Variants in ZNF420 observed in about 807,000 individuals in gnomAD.
ZNF420 encodes the protein ATM and p53-associated KZNF protein.
ZNF420 carries 31 observed loss-of-function variants against 44.7 expected under a neutral mutation model. The observed-to-expected ratio is 0.69, with a 90% CI of 0.52 to 0.94. The LOEUF (loss-of-function observed/expected upper bound fraction) is 0.94, where lower values mean the gene tolerates loss of function less well. Among genes scored for constraint, ZNF420 ranks in the 40% least tolerant of loss-of-function variants. ZNF420 has a pLI of 0.00. For synonymous variants in ZNF420, 245 were observed against 267.4 expected, an observed-to-expected ratio of 0.92 and a Z score of 0.82; for missense variants, 681 against 827.9, an observed-to-expected ratio of 0.82 and a Z score of 2.18.
intron 4 of ZNF420, among the ~76,000 whole-genome samples, chr19:37,118,922 A>T (rs1352557553): frequency 1.3e-5 from 2 of 152,252 alleles, no homozygotes; most frequent in Admixed American, 6.5e-5. Flanking sequence ...AGAGCTAACT[A>T]TCCTAAATAT....
intron 1 of ZNF420, among the ~76,000 whole-genome samples, chr19:37,014,028 AC>A (rs2074591481): frequency 6.6e-6 from 1 of 152,166 alleles, no homozygotes; most frequent in African/African-American, 2.4e-5. Flanking sequence ...AGCAAATCAC[AC>A]CTGGGAACCA....
rs1289719585 is a variant in ZNF420, at chr19:37,092,246, A to G, written c.136+1125A>G. 4 of 152,152 alleles carry G rather than the reference A, an allele frequency of 2.6e-5. No individual in the cohort carries two copies. In the South Asian group the frequency reaches 6.2e-4, roughly 24 times the overall value. 9.4% of individuals were successfully genotyped at this position (152,152 alleles called of 1,614,324 possible). A position where few individuals can be genotyped will look rare whatever the true frequency, so the allele number is the denominator to read the frequency against. ...ACCCAAGTGGTGTGGAAAAAAACCT[A>G]TGACTTGAGGAGAAAAGCAAGGGTT... On this transcript the variant is annotated intron_variant, in intron 4 of 4. Coordinates refer to ENST00000337995, the MANE Select transcript of ZNF420 (RefSeq NM_144689.5).
At chr19:37,035,063 C>T (rs1481777329) in intron 1 of ZNF420, among the ~76,000 whole-genome samples, 4 of 152,176 alleles carry the variant, frequency 2.6e-5, no homozygotes, top group African/African-American at 9.7e-5. Flanking sequence ...GCGATAGTTC[C>T]CATGGCTGGG....
intron 1 of ZNF420, among the ~76,000 whole-genome samples, chr19:37,063,230 A>ATTAATTTCT (rs1317797865): frequency 6.6e-6 from 1 of 152,180 alleles, no homozygotes; most frequent in Non-Finnish European, 1.5e-5. Context: ...ATTAAAAGAA[A>ATTAATTTCT]TTAAAGAGTG....
intron 1 of ZNF420, among the ~76,000 whole-genome samples, chr19:37,009,324 C>T (rs1185654692): frequency 6.6e-6 from 1 of 152,132 alleles, no homozygotes; most frequent in East Asian, 1.9e-4. Flanking sequence ...CAGCAGGCTC[C>T]CCAAAATGTG....
intron 2 of ZNF420, among the ~76,000 whole-genome samples, chr19:37,083,319 C>G (rs1489625464): frequency 6.6e-6 from 1 of 152,110 alleles, no homozygotes; most frequent in Non-Finnish European, 1.5e-5. Flanking sequence ...TCAGTGGTTA[C>G]AGAATTATAT....
At chr19:37,124,539 A>C (rs2145328617) in intron 4 of ZNF420, among the ~76,000 whole-genome samples, 1 of 152,356 alleles carries the variant, frequency 6.6e-6, no homozygotes, top group Middle Eastern at 3.4e-3. Context: ...TACCATAGTT[A>C]CAGTGTTTTG....
chr19:37,063,035 T>G (rs1967903827), intron 1 of ZNF420, among the ~76,000 whole-genome samples: 2 of 152,200 alleles, frequency 1.3e-5, no homozygotes, highest in Admixed American at 1.3e-4. Context: ...ATTTCTAAAT[T>G]AAAAGTATAA....
chr19:37,010,279 C>T (rs534199908), intron 1 of ZNF420, among the ~76,000 whole-genome samples: 1 of 152,280 alleles, frequency 6.6e-6, no homozygotes, highest in East Asian at 1.9e-4. Context: ...ATGAGGAAAC[C>T]ATTGGCGGAA....
At chr19:37,121,407 A>G (rs2145302206) in intron 4 of ZNF420, among the ~76,000 whole-genome samples, 1 of 149,150 alleles carries the variant, frequency 6.7e-6, no homozygotes, top group South Asian at 2.2e-4. Flanking sequence ...GGTGCTGGGA[A>G]AACTGGCTAG....
intron 4 of ZNF420, among the ~76,000 whole-genome samples, chr19:37,094,385 GTATT>G (rs1261279883): frequency 6.6e-6 from 1 of 151,986 alleles, no homozygotes; most frequent in Non-Finnish European, 1.5e-5. Context: ...AAAACGTACA[GTATT>G]TATTTATTTT....
chr19:37,064,422 C>A (rs1161608328), intron 1 of ZNF420, among the ~76,000 whole-genome samples: 1 of 152,078 alleles, frequency 6.6e-6, no homozygotes, highest in Non-Finnish European at 1.5e-5. Context: ...GTGGGTTTTG[C>A]GGCCTTTAAC....
intron 1 of ZNF420, among the ~76,000 whole-genome samples, chr19:37,012,700 G>A (rs1256362319): frequency 2.6e-5 from 4 of 151,984 alleles, no homozygotes; most frequent in Non-Finnish European, 5.9e-5. Context: ...TTCTTCTGGA[G>A]AGCAGAGCCC....
At chr19:37,025,672 C>T (rs1159538300) in intron 1 of ZNF420, among the ~76,000 whole-genome samples, 1 of 151,628 alleles carries the variant, frequency 6.6e-6, no homozygotes, top group Non-Finnish European at 1.5e-5. Flanking sequence ...TCTCACAATG[C>T]AGAGCTCAGT....
chr19:37,009,457 C>T (rs551073089), intron 1 of ZNF420, among the ~76,000 whole-genome samples: 11 of 152,300 alleles, frequency 7.2e-5, no homozygotes, highest in Admixed American at 1.3e-4. Flanking sequence ...CAGTGTTCGT[C>T]TCGCCATCGC....
intron 3 of ZNF420, among the ~76,000 whole-genome samples, chr19:37,090,477 C>T (rs945865227): frequency 6.6e-6 from 1 of 152,072 alleles, no homozygotes; most frequent in Non-Finnish European, 1.5e-5. Flanking sequence ...CCACTGCACT[C>T]CAGCCTGGAT....
At chr19:37,021,481 G>C (rs2074648125) in intron 1 of ZNF420, among the ~76,000 whole-genome samples, 1 of 151,908 alleles carries the variant, frequency 6.6e-6, no homozygotes, top group South Asian at 2.1e-4. Flanking sequence ...TGGTCAGGCT[G>C]GTCTCTAACT....
chr19:37,093,286 A>G (rs10853950), intron 4 of ZNF420: 79,688 of 151,986 alleles, frequency 0.52, 21,645 homozygotes, highest in African/African-American at 0.63. Flanking sequence ...GCAATGGCCC[A>G]ATCTTGGCTC....
intron 1 of ZNF420, among the ~76,000 whole-genome samples, chr19:37,011,398 G>A (rs2074567980): frequency 6.6e-6 from 1 of 152,114 alleles, no homozygotes; most frequent in Non-Finnish European, 1.5e-5. Context: ...TTCACTTCAT[G>A]TTTCATTCTT....
Sources: gnomAD v4.1 joint callset for allele counts (sites outside exome capture counted in the v4.1 genomes callset) on GRCh38, gnomAD v4.1.1 for gene constraint, MANE v1.5 for transcripts, NCBI Gene and HGNC (gene_info 2026-07-23, HGNC 2026-07-21) for gene names.